Variants in CSMD1 observed in about 807,000 individuals in gnomAD.
CSMD1 encodes CUB and Sushi multiple domains 1, also known as CUB and sushi domain-containing protein 1.
In CSMD1, 213 loss-of-function variants were observed where a neutral mutation model predicts 417.5. That is an observed-to-expected ratio of 0.51 (90% CI 0.46 to 0.57). CSMD1 has a LOEUF of 0.57. CSMD1 is among the 20% of genes least tolerant of loss of function. The pLI is 0.00. For synonymous variants in CSMD1, 2,862 were observed against 1,736.8 expected, an observed-to-expected ratio of 1.65 and a Z score of -16.11; for missense variants, 6,923 against 4,529.7, an observed-to-expected ratio of 1.53 and a Z score of -15.17.
chr8:3,764,022 T>G (rs1283284076), intron 5 of CSMD1, among the ~76,000 whole-genome samples: 1 of 152,158 alleles, frequency 6.6e-6, no homozygotes, highest in African/African-American at 2.4e-5. Flanking sequence ...AGCAGGTGTT[T>G]GGCACACAGC....
intron 26 of CSMD1, among the ~76,000 whole-genome samples, chr8:3,235,757 T>A (rs541976594): frequency 6.6e-6 from 1 of 152,248 alleles, no homozygotes; most frequent in East Asian, 1.9e-4. Context: ...AAGTACCTTT[T>A]GTAGTTCTCA....
At chr8:4,818,517 TTAAGAA>T (rs1219787674) in intron 1 of CSMD1, among the ~76,000 whole-genome samples, 6 of 152,156 alleles carry the variant, frequency 3.9e-5, no homozygotes, top group Non-Finnish European at 7.4e-5. Flanking sequence ...TACATACGTA[TTAAGAA>T]TAATATTATA....
intron 2 of CSMD1, among the ~76,000 whole-genome samples, chr8:4,534,088 G>T (rs1005283747): frequency 2.0e-5 from 3 of 152,116 alleles, no homozygotes; most frequent in Admixed American, 2.0e-4. Context: ...TATCTCAACA[G>T]ATTATGTACA....
At chr8:4,456,541 A>G (rs1799499365) in intron 2 of CSMD1, among the ~76,000 whole-genome samples, 1 of 152,224 alleles carries the variant, frequency 6.6e-6, no homozygotes, top group Non-Finnish European at 1.5e-5. Context: ...TTCAGTAGTG[A>G]CACCACTTTG....
At chr8:3,286,121 C>G (rs893086421) in intron 25 of CSMD1, among the ~76,000 whole-genome samples, 6 of 152,052 alleles carry the variant, frequency 3.9e-5, no homozygotes, top group African/African-American at 1.4e-4. Flanking sequence ...ATCATGGTTT[C>G]CAGCTTCATC....
At chr8:4,749,382 C>T (rs771588930) in intron 1 of CSMD1, among the ~76,000 whole-genome samples, 18 of 152,294 alleles carry the variant, frequency 1.2e-4, no homozygotes, top group Middle Eastern at 3.4e-3. Context: ...CTAAGCGGTC[C>T]TTGATAGTGT....
At chr8:3,892,205 T>C (rs111740669) in intron 5 of CSMD1, among the ~76,000 whole-genome samples, 1,631 of 152,264 alleles carry the variant, frequency 0.011, 25 homozygotes, top group African/African-American at 0.034. Flanking sequence ...AGCCCTATTT[T>C]ACAAGGTTAA....
intron 7 of CSMD1, among the ~76,000 whole-genome samples, chr8:3,645,834 G>C (rs1230130089): frequency 6.6e-6 from 1 of 152,146 alleles, no homozygotes; most frequent in Admixed American, 6.5e-5. Context: ...GCTACAAGAA[G>C]AATCACTCCA....
At chr8:4,563,707 T>G (rs928070025) in intron 2 of CSMD1, among the ~76,000 whole-genome samples, 1 of 152,234 alleles carries the variant, frequency 6.6e-6, no homozygotes, top group African/African-American at 2.4e-5. Context: ...TTCTTTAATA[T>G]GCAAATTGCA....
At chr8:3,590,711 C>A (rs1334987141) in intron 8 of CSMD1, among the ~76,000 whole-genome samples, 1 of 152,162 alleles carries the variant, frequency 6.6e-6, no homozygotes. Context: ...TTGATTGCAG[C>A]TGGCAAACAG....
chr8:3,726,135 A>C (rs1802482007), intron 6 of CSMD1, among the ~76,000 whole-genome samples: 1 of 152,016 alleles, frequency 6.6e-6, no homozygotes, highest in South Asian at 2.1e-4. Flanking sequence ...CCCTGCCAAC[A>C]GCCATGCAGG....
intron 10 of CSMD1, among the ~76,000 whole-genome samples, chr8:3,499,620 T>C (rs1293372970): frequency 6.6e-6 from 1 of 152,000 alleles, no homozygotes; most frequent in Non-Finnish European, 1.5e-5. Flanking sequence ...TCTCAGGGTC[T>C]TGGGAGCATG....
intron 1 of CSMD1, among the ~76,000 whole-genome samples, chr8:4,793,425 C>T (rs1328883188): frequency 6.6e-6 from 1 of 151,882 alleles, no homozygotes; most frequent in Non-Finnish European, 1.5e-5. Context: ...TTCCCTCCTC[C>T]CCCAGCTCTT....
At chr8:4,754,775 G>T (rs1483278817) in intron 1 of CSMD1, among the ~76,000 whole-genome samples, 1 of 152,064 alleles carries the variant, frequency 6.6e-6, no homozygotes. Flanking sequence ...TTTGAACCCA[G>T]GAAGCAGAGG....
Position 3,452,056 on chromosome 8 carries a change from G to A in CSMD1, c.1561+16656C>T, listed in dbSNP as rs558496279. On this transcript the variant is annotated intron_variant, in intron 12 of 69. Coordinates refer to ENST00000635120, the MANE Select transcript of CSMD1 (RefSeq NM_033225.6). ...CATCCCTTGTAAGTTGGATTCCTAG[G>A]TATTTTATTCTCTTTGAAGCAATTG... Among the ~76,000 whole-genome samples, 1,465 of 152,180 alleles carry A rather than the reference G, an allele frequency of 9.6e-3. 24 individuals carry two copies. Among genetic ancestry groups the A allele is most frequent in the African/African-American group, 0.034 (1,399 of 41,528 alleles).
intron 12 of CSMD1, among the ~76,000 whole-genome samples, chr8:3,421,964 C>T (rs1026298878): frequency 6.6e-6 from 1 of 151,818 alleles, no homozygotes; most frequent in Non-Finnish European, 1.5e-5. Context: ...GTATTAGCCA[C>T]CACAACCGGC....
chr8:3,708,571 G>C (rs938643227), intron 6 of CSMD1, 80 bp from the exon 7 acceptor site: 6 of 1,187,016 alleles, frequency 5.1e-6, no homozygotes, highest in Admixed American at 3.5e-5. Flanking sequence ...AGCACTTCCA[G>C]TCATAACTGC....
chr8:3,793,988 C>G (rs988145132), intron 5 of CSMD1, among the ~76,000 whole-genome samples: 3 of 152,200 alleles, frequency 2.0e-5, no homozygotes, highest in Non-Finnish European at 4.4e-5. Context: ...CTGCTTTCCT[C>G]TTCCTGAACC....
chr8:3,357,287 C>G (rs958894587), intron 21 of CSMD1, among the ~76,000 whole-genome samples: 6 of 152,192 alleles, frequency 3.9e-5, no homozygotes, highest in Non-Finnish European at 7.3e-5. Flanking sequence ...TTGCAGGCTC[C>G]CTGGGTTCGA....
Sources: allele counts gnomAD v4.1 joint callset (sites outside exome capture counted in the v4.1 genomes callset), GRCh38; gene constraint gnomAD v4.1.1; transcripts MANE v1.5; gene names NCBI Gene and HGNC (gene_info 2026-07-23, HGNC 2026-07-21).